The following DEPTOR variants were observed in gnomAD, a reference collection of about 807,000 sequenced individuals.
DEPTOR encodes DEP domain containing MTOR interacting protein, also known as DEP domain-containing mTOR-interacting protein.
In DEPTOR, 41 loss-of-function variants were observed where a neutral mutation model predicts 41.6. The observed-to-expected ratio is 0.98, with a 90% CI of 0.77 to 1.28. DEPTOR has a LOEUF of 1.28. DEPTOR is among the 50% of genes most tolerant of loss of function. The pLI is 0.00. For missense variants in DEPTOR, 514 were observed against 527.9 expected, an observed-to-expected ratio of 0.97 and a Z score of 0.26; for synonymous variants, 195 against 192.3, an observed-to-expected ratio of 1.01 and a Z score of -0.12.
At chr8:120,023,442 C>T (rs1427729160) in intron 8 of DEPTOR, among the ~76,000 whole-genome samples, 1 of 151,890 alleles carries the variant, frequency 6.6e-6, no homozygotes, top group Non-Finnish European at 1.5e-5. Flanking sequence ...GGCCACCACG[C>T]CCAGCCTAAT....
rs545542912 is a variant in DEPTOR at position 119,907,161 on chromosome 8, C to T, written c.123-21239C>T. ...CTGTTTTTTTCACATGGCAACAAAACGTAAGATCTGGCCCATGACACTACC... is the reference window on the plus strand; with the variant it reads ...CTGTTTTTTTCACATGGCAACAAAATGTAAGATCTGGCCCATGACACTACC... On this transcript the variant is annotated intron_variant, in intron 1 of 8. Transcript: ENST00000286234. Among the ~76,000 whole-genome samples the T allele has an allele frequency of 5.1e-4, 77 of 152,108 alleles. 1 individual carries two copies. The highest frequency in any genetic ancestry group is 9.7e-4 in the Non-Finnish European group (66 of 68,006).
intron 3 of DEPTOR, among the ~76,000 whole-genome samples, chr8:119,964,722 G>A (rs1246161851): frequency 6.6e-6 from 1 of 152,000 alleles, no homozygotes; most frequent in African/African-American, 2.4e-5. Flanking sequence ...GTTTTGGATT[G>A]CATTTCCAAT....
At chr8:119,969,636 G>A (rs1442267947) in intron 4 of DEPTOR, among the ~76,000 whole-genome samples, 1 of 152,166 alleles carries the variant, frequency 6.6e-6, no homozygotes, top group Non-Finnish European at 1.5e-5. Context: ...GATTACAGGC[G>A]TGAGCCATCG....
At chr8:120,026,188 A>G (rs1469445332) in intron 8 of DEPTOR, among the ~76,000 whole-genome samples, 1 of 151,346 alleles carries the variant, frequency 6.6e-6, no homozygotes, top group Non-Finnish European at 1.5e-5. Flanking sequence ...GGGTTTCGCC[A>G]TGTTGGTCTG....
At chr8:119,921,748 G>GT (rs1282897659) in intron 1 of DEPTOR, among the ~76,000 whole-genome samples, 4,815 of 129,754 alleles carry the variant, frequency 0.037, 424 homozygotes, top group African/African-American at 0.059. Flanking sequence ...CTATTCTGTA[G>GT]TTTTTTTTTT....
intron 4 of DEPTOR, among the ~76,000 whole-genome samples, chr8:119,984,609 T>C (rs144062137): frequency 0.016 from 2,366 of 152,310 alleles, 68 homozygotes; most frequent in African/African-American, 0.054. Context: ...CATCCTTTTT[T>C]ATGGCTGCAT....
chr8:119,873,778 C>A lies in DEPTOR; in HGVS notation c.-69C>A. Reference sequence around the variant, plus strand: ...ATGGCGCGGGAAGCGTCTGTGAGGGCAGACTGATCCGAGCACCCAAACCCT... The same window carrying A: ...ATGGCGCGGGAAGCGTCTGTGAGGGAAGACTGATCCGAGCACCCAAACCCT... On this transcript the variant is annotated 5_prime_UTR_variant, in exon 1 of 9. Transcript: ENST00000286234. 1.3e-6 allele frequency: 2 copies of A among 1,591,662 alleles called. No homozygotes were observed. The highest frequency in any genetic ancestry group is 1.7e-6 in the Non-Finnish European group (2 of 1,169,304).
chr8:119,881,528 A>G (rs899907933), intron 1 of DEPTOR, among the ~76,000 whole-genome samples: 7 of 151,756 alleles, frequency 4.6e-5, no homozygotes, highest in Non-Finnish European at 1.5e-5. Flanking sequence ...TGTCTCAAAA[A>G]AAATAATAAA....
At chr8:120,027,476 G>T (rs1311902948) in intron 8 of DEPTOR, among the ~76,000 whole-genome samples, 1 of 151,440 alleles carries the variant, frequency 6.6e-6, no homozygotes, top group African/African-American at 2.4e-5. Context: ...AGGGAGAGGC[G>T]GGTGGATCAC....
At chr8:120,029,009 G>A (rs1250006402) in intron 8 of DEPTOR, among the ~76,000 whole-genome samples, 1 of 151,494 alleles carries the variant, frequency 6.6e-6, no homozygotes, top group Non-Finnish European at 1.5e-5. Context: ...GGAGGCAGAG[G>A]TTGTAGTGAG....
At chr8:119,929,017 TCAACACAC>T (rs1322402091) in intron 2 of DEPTOR, among the ~76,000 whole-genome samples, 1 of 152,244 alleles carries the variant, frequency 6.6e-6, no homozygotes, top group African/African-American at 2.4e-5. Flanking sequence ...TGCAACTTGA[TCAACACAC>T]TGTGAGCTTC....
At chr8:120,049,553 C>T (rs1813201177) in intron 8 of DEPTOR, 23 bp from the exon 9 acceptor site, 3 of 1,610,774 alleles carry the variant, frequency 1.9e-6, no homozygotes, top group East Asian at 2.2e-5. Context: ...AATAGATGCT[C>T]TTTCTTTGCA....
chr8:120,002,868 C>A, intron 5 of DEPTOR, 109 bp from the exon 6 acceptor site: 2 of 1,264,708 alleles, frequency 1.6e-6, no homozygotes, highest in Non-Finnish European at 2.1e-6. Context: ...GCCACTAAGA[C>A]CAGTGTGCTT....
chr8:120,030,497 G>GTTTTTTTTTTTGTTTTTTTTTTTT (rs1812871335), intron 8 of DEPTOR, among the ~76,000 whole-genome samples: 1 of 46,216 alleles, frequency 2.2e-5, no homozygotes, highest in Non-Finnish European at 3.7e-5. Context: ...AGGTTCATCA[G>GTTTTTTTTTTTGTTTTTTTTTTTT]TTTTTTTTTT....
chr8:119,942,713 T>TTTTC (rs1389654726), intron 3 of DEPTOR, among the ~76,000 whole-genome samples: 1 of 152,188 alleles, frequency 6.6e-6, no homozygotes, highest in African/African-American at 2.4e-5. Context: ...ATCATTTAAG[T>TTTTC]TTTCTGGAGT....
At chr8:120,029,214 G>A (rs1812847701) in intron 8 of DEPTOR, among the ~76,000 whole-genome samples, 1 of 152,036 alleles carries the variant, frequency 6.6e-6, no homozygotes, top group Admixed American at 6.6e-5. Context: ...ACCATACCTA[G>A]TGAAGGTACC....
Position 119,873,734 on chromosome 8 carries a change from G to A in DEPTOR, c.-113G>A, listed in dbSNP as rs572174401. ...CTCCAGCCAATCCAGTCAGAGCAGC[G>A]GAGCTGCCCCGAACAAAGATGGCGC... On this transcript the variant is annotated 5_prime_UTR_variant, in exon 1 of 9. Coordinates refer to ENST00000286234, the MANE Select transcript of DEPTOR (RefSeq NM_022783.4). The A allele has an allele frequency of 1.1e-4, 156 of 1,450,772 alleles. 1 individual carries two copies. The South Asian group carries it at 1.9e-3, about 18-fold the overall frequency. The allele number at this position is 1,450,772 out of a possible 1,614,324, so 89.9% of individuals were successfully genotyped here. A position where few individuals can be genotyped will look rare whatever the true frequency, so the allele number is the denominator to read the frequency against.
chr8:119,971,111 C>T (rs1370571192), intron 4 of DEPTOR, among the ~76,000 whole-genome samples: 2 of 151,790 alleles, frequency 1.3e-5, no homozygotes, highest in Admixed American at 6.6e-5. Context: ...AGGCGCTTTG[C>T]AGTCCCAGCT....
chr8:119,965,526 G>GCT, intron 4 of DEPTOR, 116 bp downstream of exon 4: 1 of 1,308,152 alleles, frequency 7.6e-7, no homozygotes, highest in Non-Finnish European at 1.0e-6. Flanking sequence ...CTGCACCTCT[G>GCT]CTTATGTTCA....
Sources: gnomAD v4.1 joint callset for allele counts (sites outside exome capture counted in the v4.1 genomes callset) on GRCh38, gnomAD v4.1.1 for gene constraint, MANE v1.5 for transcripts, NCBI Gene and HGNC (gene_info 2026-07-23, HGNC 2026-07-21) for gene names.